Variants in SOS1 observed in about 807,000 individuals in gnomAD.
The protein encoded by SOS1 is son of sevenless homolog 1.
In SOS1, 25 loss-of-function variants were observed where a neutral mutation model predicts 157.6. The ratio of observed to expected loss-of-function variants is 0.16; its 90% CI spans 0.12 to 0.22. The LOEUF is 0.22. SOS1 is among the 10% of genes least tolerant of loss of function. The pLI is 1.00. For synonymous variants in SOS1, 528 were observed against 534.0 expected (o/e 0.99, Z 0.16); for missense variants, 1,237 against 1,599.1 (o/e 0.77, Z 3.86).
intron 8 of SOS1, among the ~76,000 whole-genome samples, chr2:39,033,776 ATCC>A (rs1395140123): frequency 1.3e-5 from 2 of 152,170 alleles, no homozygotes; most frequent in African/African-American, 4.8e-5. Flanking sequence ...GGCTCAAGCA[ATCC>A]TCCTGTCTTA....
Position 39,036,073 on chromosome 2 carries a change from A to T in SOS1, c.865-573T>A, listed in dbSNP as rs139133895. On this transcript the variant is annotated intron_variant, in intron 6 of 22. Transcript: ENST00000402219. ...TAAACTAAATTCTAATGGCTCAGTT[A>T]AAAAGACCAGAATCTACTGGTTTTG... 2.6e-3 allele frequency among the ~76,000 whole-genome samples: 395 copies of T among 152,334 alleles called. 1 individual carries two copies. The highest frequency in any genetic ancestry group is 7.7e-3 in the African/African-American group (320 of 41,590).
chr2:38,983,714 G>T lies in SOS1; in HGVS notation c.*2110C>A, dbSNP rs1048283455. The T allele has an allele frequency of 6.6e-6, 1 of 152,136 alleles. No homozygotes were observed. Among genetic ancestry groups the T allele is most frequent in the African/African-American group, 2.4e-5 (1 of 41,432 alleles). The allele number at this position is 152,136 out of a possible 1,614,324, so 9.4% of individuals were successfully genotyped here. On this transcript the variant is annotated 3_prime_UTR_variant, in exon 23 of 23. Coordinates refer to ENST00000402219, the MANE Select transcript of SOS1 (RefSeq NM_005633.4). The stretch of plus-strand genomic sequence containing the variant: ...TGAGACATAAAAAGAGAAATCTTAG[G>T]GACAATGAGGCTGGCCCAGTATAAA...
chr2:39,033,045 C>A (rs1202613018), intron 8 of SOS1, among the ~76,000 whole-genome samples: 3 of 151,668 alleles, frequency 2.0e-5, no homozygotes, highest in African/African-American at 4.8e-5. Context: ...TTTGGCATAT[C>A]CAGGGCTGCT....
intron 8 of SOS1, among the ~76,000 whole-genome samples, chr2:39,026,515 C>T (rs1669970233): frequency 6.6e-6 from 1 of 151,894 alleles, no homozygotes; most frequent in Admixed American, 6.6e-5. Context: ...TCAATATGGC[C>T]AGCTAGATTA....
At chr2:39,027,115 T>C (rs182327795) in intron 8 of SOS1, among the ~76,000 whole-genome samples, 1 of 152,360 alleles carries the variant, frequency 6.6e-6, no homozygotes, top group African/African-American at 2.4e-5. Context: ...TATTGAGCAT[T>C]TGATATTTTG....
intron 10 of SOS1, among the ~76,000 whole-genome samples, chr2:39,020,012 A>G (rs1669748330): frequency 6.6e-6 from 1 of 151,668 alleles, no homozygotes; most frequent in South Asian, 2.1e-4. Context: ...AAAAATTACA[A>G]CATATTCTAT....
At chr2:39,071,378 T>C (rs1470665152) in intron 1 of SOS1, among the ~76,000 whole-genome samples, 1 of 152,270 alleles carries the variant, frequency 6.6e-6, no homozygotes, top group East Asian at 1.9e-4. Context: ...CATATAAAAC[T>C]TGGCTTGAAG....
At chr2:39,027,977 C>T (rs538947201) in intron 8 of SOS1, among the ~76,000 whole-genome samples, 58 of 152,140 alleles carry the variant, frequency 3.8e-4, no homozygotes, top group African/African-American at 1.3e-3. Context: ...ATTACAGCTG[C>T]GTGTTACCAC....
chr2:39,086,924 T>C (rs1233050062), intron 1 of SOS1, among the ~76,000 whole-genome samples: 1 of 152,144 alleles, frequency 6.6e-6, no homozygotes, highest in Non-Finnish European at 1.5e-5. Context: ...GCAATTCTCC[T>C]GCCTCAGCCT....
intron 1 of SOS1, among the ~76,000 whole-genome samples, chr2:39,097,574 T>C (rs951763563): frequency 6.6e-5 from 10 of 150,468 alleles, no homozygotes; most frequent in African/African-American, 2.5e-4. Flanking sequence ...TTTTTTTTTA[T>C]TGAGATGGGG....
At chr2:39,052,232 C>T (rs1306953862) in intron 5 of SOS1, among the ~76,000 whole-genome samples, 1 of 152,170 alleles carries the variant, frequency 6.6e-6, no homozygotes, top group Non-Finnish European at 1.5e-5. Context: ...GTAGAATCTG[C>T]AACCATATCC....
intron 5 of SOS1, among the ~76,000 whole-genome samples, chr2:39,054,088 C>T (rs1049393699): frequency 5.9e-5 from 9 of 152,068 alleles, no homozygotes; most frequent in South Asian, 2.1e-4. Flanking sequence ...CCACCACGCC[C>T]GGCTAATTTT....
At chr2:39,013,796 G>A in intron 12 of SOS1, 71 bp downstream of exon 12, 5 of 1,324,150 alleles carry the variant, frequency 3.8e-6, no homozygotes, top group Non-Finnish European at 5.4e-6. Flanking sequence ...TTTGGGAAAG[G>A]TCCTTATATA....
In SOS1 at chr2:38,995,372, A is replaced by G; in HGVS notation, c.3097T>C (p.Tyr1033His). ...PLPRFPKKYS[Y>H]PLKSPGVRPS... The stretch of plus-strand genomic sequence containing the variant: ...CGAACACCAGGAGATTTTAGGGGAT[A>G]GCTATATTTTTTTGGCTGTAGACAT... The change falls in exon 20 of 23, where the codon TAT becomes CAT. Residue 1033 changes from tyrosine (Y) to histidine (H), a missense_variant. Around this residue, in one of 15 missense-constraint regions of SOS1, gnomAD observed 43 missense variants for 83.0 expected, o/e 0.52. Coordinates refer to ENST00000402219, the MANE Select transcript of SOS1 (RefSeq NM_005633.4). The G allele has an allele frequency of 6.2e-7, 1 of 1,613,452 alleles. No homozygotes were observed. The highest frequency in any genetic ancestry group is 8.5e-7 in the Non-Finnish European group (1 of 1,179,494).
intron 5 of SOS1, among the ~76,000 whole-genome samples, chr2:39,053,034 T>G (rs571266353): frequency 3.4e-4 from 52 of 152,114 alleles, no homozygotes; most frequent in African/African-American, 1.2e-3. Flanking sequence ...ACACCTGTAA[T>G]CCCAGCTACA....
chr2:39,005,597 A>G (rs1433962592), intron 17 of SOS1, among the ~76,000 whole-genome samples: 4 of 152,160 alleles, frequency 2.6e-5, no homozygotes, highest in Non-Finnish European at 2.9e-5. Context: ...ATTAGAAGTA[A>G]ATACAAAAAT....
At chr2:39,078,438 T>C (rs1406114635) in intron 1 of SOS1, among the ~76,000 whole-genome samples, 5 of 152,132 alleles carry the variant, frequency 3.3e-5, no homozygotes, top group Non-Finnish European at 5.9e-5. Context: ...GCAATTCTAC[T>C]TCTAAGTACA....
In SOS1 at chr2:39,120,194, C is replaced by G. The variant is rs1572906834; in HGVS notation, c.87+142G>C. 3 of 682,254 alleles carry G rather than the reference C, an allele frequency of 4.4e-6. No homozygotes were observed. In the East Asian group the frequency reaches 1.0e-4, roughly 24 times the overall value. The allele number at this position is 682,254 out of a possible 1,614,324, so 42.3% of individuals were successfully genotyped here. A position where few individuals can be genotyped will look rare whatever the true frequency, so the allele number is the denominator to read the frequency against. On this transcript the variant is annotated intron_variant, in intron 1 of 22. Coordinates refer to ENST00000402219, the MANE Select transcript of SOS1 (RefSeq NM_005633.4). ...CGAGAGCCAGCCGTATGAGGGGGGCCTCTCCGTGTGCGCCGTCCTTTTGGA... is the reference window on the plus strand; with the variant it reads ...CGAGAGCCAGCCGTATGAGGGGGGCGTCTCCGTGTGCGCCGTCCTTTTGGA...
intron 1 of SOS1, among the ~76,000 whole-genome samples, chr2:39,085,463 A>C (rs1055154980): frequency 3.3e-5 from 5 of 152,372 alleles, no homozygotes; most frequent in African/African-American, 2.4e-5. Flanking sequence ...CTTCCTTAAA[A>C]TGCCAACAGA....
Sources: gnomAD v4.1 joint callset for allele counts (sites outside exome capture counted in the v4.1 genomes callset) on GRCh38, gnomAD v4.1.1 for gene constraint, gnomAD v4.1.1 regional missense constraint, MANE v1.5 for transcripts, NCBI Gene and HGNC (gene_info 2026-07-23, HGNC 2026-07-21) for gene names.